The following CD44 variants were observed in gnomAD, a reference collection of about 807,000 sequenced individuals.
The protein encoded by CD44 is CD44 antigen.
CD44 carries 49 observed loss-of-function variants against 88.8 expected under a neutral mutation model. That is an observed-to-expected ratio of 0.55 (90% CI 0.44 to 0.70). The LOEUF is 0.70. Ranked by LOEUF, CD44 falls within the 30% of genes least tolerant of loss-of-function variation. CD44 has a pLI of 0.00. For synonymous variants in CD44, 325 were observed against 312.3 expected (o/e 1.04, Z -0.43); for missense variants, 883 against 913.8 (o/e 0.97, Z 0.43).
intron 17 of CD44, among the ~76,000 whole-genome samples, chr11:35,224,573 CA>C (rs1256307018): frequency 6.6e-6 from 1 of 151,914 alleles, no homozygotes; most frequent in African/African-American, 2.4e-5. Flanking sequence ...CCCATCTCTA[CA>C]AAAAACACAA....
intron 15 of CD44, among the ~76,000 whole-genome samples, chr11:35,216,561 T>C (rs1269843206): frequency 2.0e-5 from 3 of 152,162 alleles, no homozygotes; most frequent in Non-Finnish European, 4.4e-5. Flanking sequence ...AAGTCACAGG[T>C]TCACTGGGGA....
chr11:35,220,148 G>A lies in CD44; in HGVS notation c.1945+761G>A, dbSNP rs543805763. Among the ~76,000 whole-genome samples the A allele has an allele frequency of 1.5e-3, 234 of 152,292 alleles. 3 individuals are homozygous for A. In the Middle Eastern group the frequency reaches 0.031, roughly 20 times the overall value. On this transcript the variant is annotated intron_variant, in intron 16 of 17. Coordinates refer to ENST00000428726, the MANE Select transcript of CD44 (RefSeq NM_000610.4). ...GAAAGAGAAGAATGTGGCATGCACC[G>A]TTCTCCTTTGCCCCAGCTTGCCTAA...
chr11:35,176,517 A>C, intron 1 of CD44, 58 bp from the exon 2 acceptor site: 1 of 1,529,394 alleles, frequency 6.5e-7, no homozygotes, highest in East Asian at 2.3e-5. Flanking sequence ...AACTGAACTT[A>C]TTACTGTCTC....
intron 5 of CD44, among the ~76,000 whole-genome samples, chr11:35,193,080 C>T (rs1039457437): frequency 3.9e-5 from 6 of 151,990 alleles, no homozygotes; most frequent in African/African-American, 1.5e-4. Flanking sequence ...TCAGGTTTGT[C>T]TGGAGGCTTC....
intron 9 of CD44, 36 bp downstream of exon 9, chr11:35,201,823 T>C (rs1394513889): frequency 1.2e-6 from 2 of 1,608,586 alleles, no homozygotes; most frequent in East Asian, 4.5e-5. Context: ...CTGGGTTAGA[T>C]GAATTAGTAA....
chr11:35,178,835 A>T (rs1422179452), intron 2 of CD44, among the ~76,000 whole-genome samples: 1 of 152,144 alleles, frequency 6.6e-6, no homozygotes, highest in East Asian at 1.9e-4. Flanking sequence ...GAAATCTATC[A>T]TTTCACCCAT....
At chr11:35,217,937 A>C (rs1315035192) in intron 15 of CD44, among the ~76,000 whole-genome samples, 2 of 152,044 alleles carry the variant, frequency 1.3e-5, no homozygotes, top group Non-Finnish European at 2.9e-5. Flanking sequence ...TTTTTAAAAA[A>C]ATTGTTTATT....
Position 35,206,249 on chromosome 11 carries a change from A to G in CD44, c.1414+6A>G. ...TCAAGCAGGAAGAAGGATGGGTAAT[A>G]GCCTCTGAGATTTTTATATATTATG... On this transcript the variant is annotated splice_donor_region_variant and intron_variant, in intron 11 of 17. Coordinates refer to ENST00000428726, the MANE Select transcript of CD44 (RefSeq NM_000610.4). 1 of 1,587,356 alleles carries G rather than the reference A, an allele frequency of 6.3e-7. No individual in the cohort carries two copies.
Position 35,219,310 on chromosome 11 carries a change from C to T in CD44, c.1874-6C>T. ...TTTGGTTGAGAGATGTTGTTTTTCC[C>T]CTTAGGACACTCACATGGGAGTCAA... is the stretch of plus-strand genomic sequence containing the variant. On this transcript the variant is annotated splice_region_variant and splice_polypyrimidine_tract_variant and intron_variant, in intron 15 of 17. Transcript: ENST00000428726. The T allele has an allele frequency of 1.2e-6, 2 of 1,612,192 alleles. No individual in the cohort carries two copies. Among genetic ancestry groups the T allele is most frequent in the Non-Finnish European group, 8.5e-7 (1 of 1,178,336 alleles).
intron 11 of CD44, among the ~76,000 whole-genome samples, chr11:35,206,636 A>G (rs1324332573): frequency 7.3e-6 from 1 of 137,590 alleles, no homozygotes; most frequent in Non-Finnish European, 1.6e-5. Flanking sequence ...AACCCTGGAT[A>G]GTCAGAGAAA....
chr11:35,229,441 C>A lies in CD44; in HGVS notation c.*108C>A. On this transcript the variant is annotated 3_prime_UTR_variant, in exon 18 of 18. Transcript: ENST00000428726. ...TGCTACTGATTGTTTCATTGCGAAT[C>A]TTTTTTAGCATAAAATTTTCTACTC... 5.9e-6 allele frequency: 4 copies of A among 673,372 alleles called. No individual in the cohort carries two copies. Among genetic ancestry groups the A allele is most frequent in the South Asian group, 4.5e-5 (2 of 44,322 alleles). The allele number at this position is 673,372 out of a possible 1,614,324, so 41.7% of individuals were successfully genotyped here. A position where few individuals can be genotyped will look rare whatever the true frequency, so the allele number is the denominator to read the frequency against.
chr11:35,223,998 G>C (rs909810986), intron 17 of CD44, among the ~76,000 whole-genome samples: 3 of 152,188 alleles, frequency 2.0e-5, no homozygotes, highest in African/African-American at 4.8e-5. Context: ...AAAACAAAAA[G>C]AGTACCACCC....
intron 5 of CD44, among the ~76,000 whole-genome samples, chr11:35,193,381 A>G (rs750528524): frequency 3.0e-4 from 45 of 152,234 alleles, no homozygotes; most frequent in Non-Finnish European, 5.1e-4. Context: ...AGAGGACAGA[A>G]CATACTGTGC....
Position 35,158,865 on chromosome 11 carries a change from C to T in CD44, c.68-17710C>T, listed in dbSNP as rs577724184. Among the ~76,000 whole-genome samples, 148 of 152,340 alleles carry T rather than the reference C, an allele frequency of 9.7e-4. 1 individual carries two copies. In the South Asian group the frequency reaches 0.013, roughly 13 times the overall value. On this transcript the variant is annotated intron_variant, in intron 1 of 17. Coordinates refer to ENST00000428726, the MANE Select transcript of CD44 (RefSeq NM_000610.4). Reference sequence around the variant, plus strand: ...TAGCTGGTGAAAGTGAACTGGGAAACGCACTCCAGGTCCTGTCTTTACTTG... The same window carrying T: ...TAGCTGGTGAAAGTGAACTGGGAAATGCACTCCAGGTCCTGTCTTTACTTG...
chr11:35,203,273 T>C (rs1947483260), intron 9 of CD44, among the ~76,000 whole-genome samples: 1 of 151,298 alleles, frequency 6.6e-6, no homozygotes, highest in Non-Finnish European at 1.5e-5. Flanking sequence ...CTTAAAAAAA[T>C]CATTATGTTT....
intron 2 of CD44, among the ~76,000 whole-genome samples, chr11:35,178,578 T>C (rs1267882461): frequency 6.6e-6 from 1 of 152,212 alleles, no homozygotes; most frequent in Non-Finnish European, 1.5e-5. Context: ...TATTCTTTCC[T>C]CCTTGTGAAC....
At chr11:35,172,861 T>A (rs1017923065) in intron 1 of CD44, among the ~76,000 whole-genome samples, 15 of 151,852 alleles carry the variant, frequency 9.9e-5, no homozygotes, top group African/African-American at 1.7e-4. Flanking sequence ...AAAAAAAAAA[T>A]TTGAAATCTA....
intron 5 of CD44, among the ~76,000 whole-genome samples, chr11:35,192,771 G>A (rs1329494248): frequency 2.0e-5 from 3 of 148,766 alleles, no homozygotes; most frequent in Non-Finnish European, 4.4e-5. Context: ...TTGTCTTCTG[G>A]GTGTCAAAGG....
intron 7 of CD44, among the ~76,000 whole-genome samples, chr11:35,200,325 C>A (rs1235041562): frequency 2.0e-5 from 3 of 152,068 alleles, no homozygotes; most frequent in Non-Finnish European, 4.4e-5. Context: ...TTATTCCAGC[C>A]CTAACAGATT....
Sources: allele counts gnomAD v4.1 joint callset (sites outside exome capture counted in the v4.1 genomes callset), GRCh38; gene constraint gnomAD v4.1.1; transcripts MANE v1.5; gene names NCBI Gene and HGNC (gene_info 2026-07-23, HGNC 2026-07-21).